Variants in PLXDC2 observed in about 807,000 individuals in gnomAD.
PLXDC2 encodes plexin domain-containing protein 2.
A neutral mutation model predicts 68.9 loss-of-function variants in PLXDC2; 40 were observed. The ratio of observed to expected loss-of-function variants is 0.58; its 90% confidence interval spans 0.45 to 0.76. The LOEUF (loss-of-function observed/expected upper bound fraction) is 0.76. Ranked by LOEUF, PLXDC2 falls within the 30% of genes least tolerant of loss-of-function variation. The pLI, the probability that PLXDC2 is intolerant of heterozygous loss-of-function variation, is 0.00. For missense variants in PLXDC2, 644 were observed against 661.9 expected (o/e 0.97, Z 0.30); for synonymous variants, 243 against 234.2 (o/e 1.04, Z -0.34).
intron 1 of PLXDC2, among the ~76,000 whole-genome samples, chr10:19,974,871 T>C (rs1252260830): frequency 6.6e-6 from 1 of 152,202 alleles, no homozygotes; most frequent in Non-Finnish European, 1.5e-5. Context: ...ACTCTGGTCT[T>C]GATTCTCAAA....
At chr10:19,821,423 A>G (rs1433729797) in intron 1 of PLXDC2, among the ~76,000 whole-genome samples, 1 of 152,200 alleles carries the variant, frequency 6.6e-6, no homozygotes, top group East Asian at 1.9e-4. Flanking sequence ...TTCTCAGTGC[A>G]CTTTATGCCT....
intron 2 of PLXDC2, among the ~76,000 whole-genome samples, chr10:20,003,692 A>G (rs1038339581): frequency 6.6e-6 from 1 of 152,142 alleles, no homozygotes; most frequent in Non-Finnish European, 1.5e-5. Context: ...TCGGCCTCCT[A>G]AAGTGCTTGT....
chr10:20,168,877 C>A (rs1249352064), intron 7 of PLXDC2, among the ~76,000 whole-genome samples: 2 of 152,116 alleles, frequency 1.3e-5, no homozygotes, highest in African/African-American at 4.8e-5. Context: ...TAAATGTTTT[C>A]ACGTATCTGT....
chr10:20,244,843 C>T (rs775015189), intron 12 of PLXDC2, among the ~76,000 whole-genome samples: 13 of 152,144 alleles, frequency 8.5e-5, no homozygotes, highest in Middle Eastern at 3.2e-3. Flanking sequence ...AGGCCAGGTG[C>T]GGTGGCTCAC....
At chr10:19,851,439 G>A (rs1251199641) in intron 1 of PLXDC2, among the ~76,000 whole-genome samples, 1 of 152,164 alleles carries the variant, frequency 6.6e-6, no homozygotes, top group Non-Finnish European at 1.5e-5. Context: ...TACCTCTCTT[G>A]TCAGTAACCA....
intron 1 of PLXDC2, among the ~76,000 whole-genome samples, chr10:19,922,997 A>G (rs533078825): frequency 1.3e-5 from 2 of 152,178 alleles, no homozygotes; most frequent in Admixed American, 6.5e-5. Flanking sequence ...AATCTGATCT[A>G]TCTATCTCTT....
chr10:19,982,005 T>A (rs1157072963), intron 1 of PLXDC2, among the ~76,000 whole-genome samples: 1 of 152,220 alleles, frequency 6.6e-6, no homozygotes, highest in East Asian at 1.9e-4. Context: ...CCCACAGCCC[T>A]TTGACAGAGT....
intron 1 of PLXDC2, among the ~76,000 whole-genome samples, chr10:19,952,481 A>T: frequency 6.6e-6 from 1 of 152,242 alleles, no homozygotes; most frequent in East Asian, 1.9e-4. Flanking sequence ...TCTCAAAAGC[A>T]AACCAAAAAT....
chr10:20,065,134 G>A (rs1387683067), intron 3 of PLXDC2, among the ~76,000 whole-genome samples: 2 of 152,268 alleles, frequency 1.3e-5, no homozygotes, highest in East Asian at 1.9e-4. Flanking sequence ...ACTAAGCCAA[G>A]GCTTAAAGAA....
At chr10:19,980,318 C>T (rs184692383) in intron 1 of PLXDC2, among the ~76,000 whole-genome samples, 2 of 152,250 alleles carry the variant, frequency 1.3e-5, no homozygotes, top group African/African-American at 4.8e-5. Context: ...AGTATCCCTC[C>T]CAGAAACTAA....
chr10:20,109,619 T>C (rs1247145396), intron 4 of PLXDC2, among the ~76,000 whole-genome samples: 1 of 152,210 alleles, frequency 6.6e-6, no homozygotes, highest in Non-Finnish European at 1.5e-5. Flanking sequence ...TAATTTTCTA[T>C]TTGAAAGCCA....
intron 3 of PLXDC2, among the ~76,000 whole-genome samples, chr10:20,066,467 A>G (rs1231414721): frequency 6.6e-6 from 1 of 152,220 alleles, no homozygotes; most frequent in Non-Finnish European, 1.5e-5. Context: ...AATAAATTAG[A>G]ATGATGGAAA....
intron 1 of PLXDC2, among the ~76,000 whole-genome samples, chr10:19,828,585 GT>G: frequency 6.6e-6 from 1 of 152,226 alleles, no homozygotes; most frequent in Admixed American, 6.5e-5. Context: ...TTTAACATCT[GT>G]TGTTCATTTC....
Position 20,094,223 on chromosome 10 carries a change from A to G in PLXDC2, c.541+25984A>G, listed in dbSNP as rs545987660. On this transcript the variant is annotated intron_variant, in intron 4 of 13. Coordinates refer to ENST00000377252, the MANE Select transcript of PLXDC2 (RefSeq NM_032812.9). Reference sequence around the variant, plus strand: ...AGTAAAGGAACATCCTACCATGTACATTGTTTGAAAGTAATTTGGGTATGG... The same window carrying G: ...AGTAAAGGAACATCCTACCATGTACGTTGTTTGAAAGTAATTTGGGTATGG... 9.2e-5 allele frequency among the ~76,000 whole-genome samples: 14 copies of G among 152,324 alleles called. No individual in the cohort carries two copies. The East Asian group carries it at 2.7e-3, about 29-fold the overall frequency.
intron 3 of PLXDC2, among the ~76,000 whole-genome samples, chr10:20,063,182 G>A (rs1360595145): frequency 6.6e-6 from 1 of 152,048 alleles, no homozygotes; most frequent in Non-Finnish European, 1.5e-5. Flanking sequence ...TTGAATAAGT[G>A]GATGCTCATT....
At chr10:20,133,862 C>G (rs1833900603) in intron 4 of PLXDC2, among the ~76,000 whole-genome samples, 1 of 152,112 alleles carries the variant, frequency 6.6e-6, no homozygotes. Flanking sequence ...TTAATGATGT[C>G]TCATAATTCC....
chr10:19,887,449 G>A (rs960076912), intron 1 of PLXDC2, among the ~76,000 whole-genome samples: 3 of 152,140 alleles, frequency 2.0e-5, no homozygotes, highest in Admixed American at 2.0e-4. Flanking sequence ...TTGAACCCAG[G>A]AGGCAGAGGT....
At chr10:20,140,889 A>G (rs1431004356) in intron 4 of PLXDC2, among the ~76,000 whole-genome samples, 6 of 151,314 alleles carry the variant, frequency 4.0e-5, no homozygotes, top group African/African-American at 1.5e-4. Context: ...TTTTCATGTT[A>G]AGTCTTCGTG....
chr10:20,050,016 C>G (rs551801539), intron 3 of PLXDC2, among the ~76,000 whole-genome samples: 1 of 152,054 alleles, frequency 6.6e-6, no homozygotes, highest in African/African-American at 2.4e-5. Flanking sequence ...AACAGTCACA[C>G]AGACCAATGG....
Sources: gnomAD v4.1 joint callset for allele counts (sites outside exome capture counted in the v4.1 genomes callset) on GRCh38, gnomAD v4.1.1 for gene constraint, MANE v1.5 for transcripts, NCBI Gene and HGNC (gene_info 2026-07-23, HGNC 2026-07-21) for gene names.